FGL1: variants seen among roughly 807,000 people sequenced by gnomAD.
The protein encoded by FGL1 is fibrinogen like 1, also known as fibrinogen-like protein 1.
A neutral mutation model predicts 43.7 loss-of-function variants in FGL1; 59 were observed. That is an observed-to-expected ratio of 1.35 (90% CI 1.10 to 1.68). FGL1 has a LOEUF of 1.68. FGL1 is among the 40% of genes most tolerant of loss of function. FGL1 has a pLI of 0.00. For synonymous variants in FGL1, 192 were observed against 126.5 expected, an observed-to-expected ratio of 1.52 and a Z score of -3.48; for missense variants, 596 against 373.0, an observed-to-expected ratio of 1.60 and a Z score of -4.92.
At chr8:17,891,620 G>A (rs1049613396) in intron 1 of FGL1, 1 of 934,842 alleles carries the variant, frequency 1.1e-6, no homozygotes, top group African/African-American at 1.8e-5. Flanking sequence ...GGGCACAGCT[G>A]AACCTAGCAC....
chr8:17,880,277 T>C (rs2053515250), intron 3 of FGL1, among the ~76,000 whole-genome samples: 1 of 152,124 alleles, frequency 6.6e-6, no homozygotes, highest in East Asian at 1.9e-4. Flanking sequence ...CAGAGGGAGA[T>C]AAGGATCTTG....
At chr8:17,881,678 A>G (rs1240363413) in intron 3 of FGL1, among the ~76,000 whole-genome samples, 1 of 151,226 alleles carries the variant, frequency 6.6e-6, no homozygotes. Flanking sequence ...CTAAAAATAC[A>G]AAAAAAGTAG....
At chr8:17,891,765 T>A (rs1308033191) in intron 1 of FGL1, 2 of 983,748 alleles carry the variant, frequency 2.0e-6, no homozygotes, top group East Asian at 1.1e-4. Context: ...TTGTGTCTGT[T>A]GAATTTATAA....
intron 1 of FGL1, among the ~76,000 whole-genome samples, chr8:17,892,458 C>G (rs528127007): frequency 2.6e-4 from 39 of 151,974 alleles, no homozygotes; most frequent in Middle Eastern, 3.4e-3. Context: ...ATCATCAACA[C>G]TAGAGGCTCA....
intron 1 of FGL1, chr8:17,891,363 C>A (rs979118482): frequency 2.0e-5 from 3 of 152,160 alleles, no homozygotes; most frequent in Non-Finnish European, 4.4e-5. Flanking sequence ...TGGTTGCCAG[C>A]AATTCTTGAC....
At chr8:17,884,939 C>T (rs1585146607) in intron 2 of FGL1, among the ~76,000 whole-genome samples, 1 of 152,138 alleles carries the variant, frequency 6.6e-6, no homozygotes, top group East Asian at 1.9e-4. Flanking sequence ...ATTTTAATTA[C>T]TATGGACAGT....
At chr8:17,869,027 T>C (rs776915892) in intron 5 of FGL1, 23 bp from the exon 6 acceptor site, 16 of 1,498,886 alleles carry the variant, frequency 1.1e-5, no homozygotes, top group East Asian at 6.8e-5. Context: ...CAAGCAATTA[T>C]AATTTTTAAA....
intron 3 of FGL1, among the ~76,000 whole-genome samples, chr8:17,875,944 T>C (rs1200825733): frequency 1.3e-5 from 2 of 152,106 alleles, no homozygotes; most frequent in Admixed American, 6.5e-5. Context: ...TTGAGGGTGA[T>C]GTAAATTAAT....
chr8:17,868,671 A>T lies in FGL1; in HGVS notation c.656T>A (p.Phe219Tyr), dbSNP rs2131694689. The stretch of plus-strand genomic sequence containing the variant: ...AGCCCACCACTGCACCTCAGGATGA[A>T]AATTCCCCGCAAGGGAATCTCCAGC... ...GTAGDSLAGN[F>Y]HPEVQWWASH... Residue 219 changes from phenylalanine (F) to tyrosine (Y), a missense_variant, in exon 7 of 8, where the codon TTT (phenylalanine) becomes TAT (tyrosine). Physicochemically the swap from Phe to Tyr is conservative, Grantham distance 22. Transcript: ENST00000427924. The T allele has an allele frequency of 1.2e-6, 2 of 1,614,024 alleles. No individual in the cohort carries two copies. The highest frequency in any genetic ancestry group is 1.7e-6 in the Non-Finnish European group (2 of 1,179,964).
chr8:17,880,099 T>C (rs2053512463), intron 3 of FGL1, among the ~76,000 whole-genome samples: 1 of 152,184 alleles, frequency 6.6e-6, no homozygotes, highest in Non-Finnish European at 1.5e-5. Context: ...GAACTGTCCC[T>C]GGTTCCTCTT....
Position 17,890,782 on chromosome 8 carries a change from G to T in FGL1, c.-18+4665C>A, listed in dbSNP as rs144294383. ...GCAAACATGTCCTTCTTCACATGAT[G>T]GCAGGAAGGGGAAGAGCCAAGCAAA... On this transcript the variant is annotated intron_variant, in intron 1 of 7. Coordinates refer to ENST00000427924, the MANE Select transcript of FGL1 (RefSeq NM_004467.4). Among the ~76,000 whole-genome samples, 232 of 152,202 alleles carry T rather than the reference G, an allele frequency of 1.5e-3. 2 individuals carry two copies. Among genetic ancestry groups the T allele is most frequent in the Admixed American group, 0.013 (199 of 15,276 alleles).
intron 1 of FGL1, among the ~76,000 whole-genome samples, chr8:17,888,644 C>T (rs2053662950): frequency 6.6e-6 from 1 of 152,158 alleles, no homozygotes; most frequent in Non-Finnish European, 1.5e-5. Flanking sequence ...CTTGGGAACA[C>T]TCCTTATTCA....
intron 5 of FGL1, among the ~76,000 whole-genome samples, 197 bp from the exon 6 acceptor site, chr8:17,869,201 G>T (rs2053319579): frequency 6.6e-6 from 1 of 151,894 alleles, no homozygotes; most frequent in Non-Finnish European, 1.5e-5. Flanking sequence ...GAAAAAAAAT[G>T]ATGGATACAA....
chr8:17,885,066 A>C (rs1418630082), intron 2 of FGL1, among the ~76,000 whole-genome samples: 1 of 149,706 alleles, frequency 6.7e-6, no homozygotes, highest in African/African-American at 2.5e-5. Flanking sequence ...TTTGAGATGG[A>C]GTCTCACTCT....
intron 2 of FGL1, among the ~76,000 whole-genome samples, chr8:17,883,156 T>A (rs1408831320): frequency 1.0e-5 from 1 of 98,452 alleles, no homozygotes; most frequent in Non-Finnish European, 1.7e-5. Context: ...ATATATCATA[T>A]ATAATATATT....
chr8:17,887,661 C>T (rs1032164087), intron 1 of FGL1, among the ~76,000 whole-genome samples: 1 of 151,990 alleles, frequency 6.6e-6, no homozygotes, highest in Non-Finnish European at 1.5e-5. Context: ...ATAGTGAAAC[C>T]CTGTCTCTAT....
intron 2 of FGL1, chr8:17,882,405 T>C (rs2053551201): frequency 7.3e-6 from 3 of 408,218 alleles, no homozygotes; most frequent in Non-Finnish European, 1.3e-5. Flanking sequence ...TCAAATAATA[T>C]AAAATAATTG....
chr8:17,895,492 A>G lies in FGL1; in HGVS notation c.-63T>C, dbSNP rs2053762274. The G allele has an allele frequency of 7.8e-7, 1 of 1,286,080 alleles. No individual in the cohort carries two copies. Among genetic ancestry groups the G allele is most frequent in the African/African-American group, 1.5e-5 (1 of 65,898 alleles). 79.7% of individuals were successfully genotyped at this position (1,286,080 alleles called of 1,614,324 possible). ...GAGACCCAGCTCAGGTTCCATCCAG[A>G]CACTCTGCTTCCCAGGATCCTGTAA... On this transcript the variant is annotated 5_prime_UTR_variant, in exon 1 of 8. Coordinates refer to ENST00000427924, the MANE Select transcript of FGL1 (RefSeq NM_004467.4).
chr8:17,873,808 A>G (rs147047515), intron 5 of FGL1, among the ~76,000 whole-genome samples: 83 of 151,134 alleles, frequency 5.5e-4, no homozygotes, highest in African/African-American at 1.8e-3. Context: ...TGTGAAAACA[A>G]TTCCCCGCAA....
Sources: allele counts gnomAD v4.1 joint callset (sites outside exome capture counted in the v4.1 genomes callset), GRCh38; gene constraint gnomAD v4.1.1; transcripts MANE v1.5; gene names NCBI Gene and HGNC (gene_info 2026-07-23, HGNC 2026-07-21).